Variants in FGF12 observed in about 807,000 individuals in gnomAD.
FGF12 encodes the protein fibroblast growth factor 12.
In FGF12, 14 loss-of-function variants were observed where a neutral mutation model predicts 23.6. The ratio of observed to expected loss-of-function variants is 0.59; its 90% CI spans 0.39 to 0.93. FGF12 has a LOEUF of 0.93. FGF12 is among the 40% of genes least tolerant of loss of function. The pLI is 0.00. For synonymous variants in FGF12, 62 were observed against 77.3 expected, an observed-to-expected ratio of 0.80 and a Z score of 1.04; for missense variants, 175 against 217.8, an observed-to-expected ratio of 0.80 and a Z score of 1.24.
At chr3:192,393,358 C>T (rs1314856970) in intron 2 of FGF12, among the ~76,000 whole-genome samples, 1 of 152,196 alleles carries the variant, frequency 6.6e-6, no homozygotes, top group Non-Finnish European at 1.5e-5. Flanking sequence ...GAGAAATAAT[C>T]CTATAGGAGC....
chr3:192,668,402 T>A (rs1716978834), intron 2 of FGF12, among the ~76,000 whole-genome samples: 1 of 152,126 alleles, frequency 6.6e-6, no homozygotes, highest in Non-Finnish European at 1.5e-5. Flanking sequence ...CAAATATGAC[T>A]CCTGCCTAGT....
chr3:192,221,771 AT>A (rs1049534060), intron 4 of FGF12, among the ~76,000 whole-genome samples: 117 of 152,308 alleles, frequency 7.7e-4, no homozygotes, highest in Middle Eastern at 3.4e-3. Context: ...ATAGAAGAAA[AT>A]ATCACGAAAA....
chr3:192,360,785 A>G lies in FGF12; in HGVS notation c.14-247T>C. ...AAAAGCTAATTATGATTGGGAAAAT[A>G]CAGAGACATGCTAAAAAGTGAGTTA... On this transcript the variant is annotated intron_variant, in intron 2 of 5. Transcript: ENST00000445105. This position sits in a 1 kb window ranked among gnomAD's most constrained non-coding sequence, Gnocchi z 4.3. 2.0e-6 allele frequency: 1 copy of G among 492,162 alleles called. No individual in the cohort carries two copies. The allele number at this position is 492,162 out of a possible 1,614,324, so 30.5% of individuals were successfully genotyped here. A position where few individuals can be genotyped will look rare whatever the true frequency, so the allele number is the denominator to read the frequency against.
Position 192,409,003 on chromosome 3 carries a change from G to A in FGF12, c.14-48465C>T. 3 of 984,650 alleles carry A rather than the reference G, an allele frequency of 3.0e-6. No individual in the cohort carries two copies. The South Asian group carries it at 1.4e-4, about 46-fold the overall frequency. 61.0% of individuals were successfully genotyped at this position (984,650 alleles called of 1,614,324 possible). A position where few individuals can be genotyped will look rare whatever the true frequency, so the allele number is the denominator to read the frequency against. On this transcript the variant is annotated intron_variant, in intron 2 of 5. Coordinates refer to ENST00000445105, the MANE Select transcript of FGF12 (RefSeq NM_004113.6). The surrounding 1 kb of genome is among the most constrained non-coding windows in gnomAD (Gnocchi z 4.8). ...GTCTGGGTAGGGGCGCGGGGCGGGG[G>A]CAGCTGTTTCCAGCTGCGGTGAGAG...
In FGF12 at chr3:192,166,475, C is replaced by T. The variant is rs530782098; in HGVS notation, c.427+3983G>A. ...ATCTACATCTTTCTCAGACCTCAGA[C>T]TGTAGCCTGTCTTACCAGTTTTAAA... On this transcript the variant is annotated intron_variant, in intron 5 of 5. Coordinates refer to ENST00000445105, the MANE Select transcript of FGF12 (RefSeq NM_004113.6). Among the ~76,000 whole-genome samples the T allele has an allele frequency of 1.1e-4, 16 of 152,350 alleles. No individual in the cohort carries two copies. In the South Asian group the frequency reaches 2.9e-3, roughly 28 times the overall value.
intron 2 of FGF12, among the ~76,000 whole-genome samples, chr3:192,718,136 G>GTTTGTCAT (rs1263690183): frequency 8.4e-6 from 1 of 119,474 alleles, no homozygotes; most frequent in Non-Finnish European, 1.7e-5. Flanking sequence ...CCCTTGGACT[G>GTTTGTCAT]TTTGTCATTA....
chr3:192,602,858 T>G (rs576405695), intron 2 of FGF12, among the ~76,000 whole-genome samples: 86 of 152,232 alleles, frequency 5.6e-4, no homozygotes, highest in Admixed American at 1.2e-3. Flanking sequence ...GTAAGCTTCT[T>G]TCCTAGGAGG....
At chr3:192,507,467 A>T (rs956947167) in intron 2 of FGF12, among the ~76,000 whole-genome samples, 1 of 152,060 alleles carries the variant, frequency 6.6e-6, no homozygotes, top group South Asian at 2.1e-4. Context: ...CATAGACCTA[A>T]ATCTTCACCT....
intron 2 of FGF12, among the ~76,000 whole-genome samples, chr3:192,719,152 C>A (rs987456587): frequency 6.6e-6 from 1 of 152,186 alleles, no homozygotes; most frequent in Non-Finnish European, 1.5e-5. Flanking sequence ...TTCATTGGAA[C>A]ATGCACCATG....
intron 4 of FGF12, among the ~76,000 whole-genome samples, chr3:192,279,175 ATGATCAGTTTGTATAC>A (rs1713986193): frequency 6.6e-6 from 1 of 150,830 alleles, no homozygotes; most frequent in Admixed American, 6.6e-5. Flanking sequence ...GTTAAAGAAA[ATGATCAGTTTGTATAC>A]TGATTTTACC....
At position 192,550,323 on chromosome 3, in the gene FGF12, C is replaced by T. The variant is rs146838098; in HGVS notation, c.13+176858G>A. Among the ~76,000 whole-genome samples the T allele has an allele frequency of 6.0e-3, 895 of 149,788 alleles. 7 individuals carry two copies. The highest frequency in any genetic ancestry group is 8.5e-3 in the Non-Finnish European group (576 of 67,528). On this transcript the variant is annotated intron_variant, in intron 2 of 5. Transcript: ENST00000445105. ...TATGTGCAAACATATATAATATATT[C>T]CTTTCCTTCCTATATATGTGCATAC...
intron 2 of FGF12, among the ~76,000 whole-genome samples, chr3:192,671,576 C>G (rs1449958197): frequency 6.6e-6 from 1 of 152,108 alleles, no homozygotes; most frequent in Non-Finnish European, 1.5e-5. Context: ...TGGGGCAAGT[C>G]CATAGGCTTC....
In FGF12 at chr3:192,573,066, G is replaced by C. The variant is rs180845912; in HGVS notation, c.13+154115C>G. ...GGAAAGCAAAGGACAGAAGTAATGA[G>C]CAAAACTTTATACTAAAGAGTCTCA... On this transcript the variant is annotated intron_variant, in intron 2 of 5. Coordinates refer to ENST00000445105, the MANE Select transcript of FGF12 (RefSeq NM_004113.6). Among the ~76,000 whole-genome samples, 9 of 152,238 alleles carry C rather than the reference G, an allele frequency of 5.9e-5. No individual in the cohort carries two copies. In the East Asian group the frequency reaches 1.7e-3, roughly 29 times the overall value.
chr3:192,482,423 CA>C (rs975788231), intron 2 of FGF12, among the ~76,000 whole-genome samples: 85 of 152,056 alleles, frequency 5.6e-4, no homozygotes, highest in African/African-American at 2.0e-3. Flanking sequence ...CGCTTGAGGT[CA>C]GGGGTTCGAG....
At chr3:192,285,265 A>G (rs930201207) in intron 4 of FGF12, among the ~76,000 whole-genome samples, 3 of 152,062 alleles carry the variant, frequency 2.0e-5, no homozygotes, top group Non-Finnish European at 2.9e-5. Context: ...ATAAGCCTCA[A>G]AGAAATAAAG....
chr3:192,682,688 TCATGCTGGGCCCATGAACCA>T (rs1717576400), intron 2 of FGF12, among the ~76,000 whole-genome samples: 1 of 152,192 alleles, frequency 6.6e-6, no homozygotes, highest in Non-Finnish European at 1.5e-5. Context: ...TGTCTGTGAT[TCATGCTGGGCCCATGAACCA>T]CACCTGAGTT....
At chr3:192,485,979 A>G (rs1723622495) in intron 2 of FGF12, among the ~76,000 whole-genome samples, 3 of 152,168 alleles carry the variant, frequency 2.0e-5, no homozygotes, top group African/African-American at 7.2e-5. Context: ...ATATACGTGC[A>G]TATATAATAC....
At chr3:192,503,607 T>G (rs1277459250) in intron 2 of FGF12, among the ~76,000 whole-genome samples, 12 of 21,432 alleles carry the variant, frequency 5.6e-4, no homozygotes, top group Non-Finnish European at 1.2e-3. Flanking sequence ...GTGTGTGTTT[T>G]TTTTTTTTTT....
At chr3:192,219,231 C>T (rs893087846) in intron 4 of FGF12, among the ~76,000 whole-genome samples, 1 of 152,116 alleles carries the variant, frequency 6.6e-6, no homozygotes, top group African/African-American at 2.4e-5. Context: ...ACTACAGGCA[C>T]TTGCCACCAT....
Sources: gnomAD v4.1 joint callset for allele counts (sites outside exome capture counted in the v4.1 genomes callset) on GRCh38, gnomAD v4.1.1 for gene constraint, Gnocchi (gnomAD v3.1) non-coding constraint, MANE v1.5 for transcripts, NCBI Gene and HGNC (gene_info 2026-07-23, HGNC 2026-07-21) for gene names.